DNAJC17: variants seen among roughly 807,000 people sequenced by gnomAD.
DNAJC17 encodes the protein DnaJ heat shock protein family (Hsp40) member C17, also known as dnaJ homolog subfamily C member 17.
A neutral mutation model predicts 48.1 loss-of-function variants in DNAJC17; 35 were observed. The ratio of observed to expected loss-of-function variants is 0.73; its 90% CI spans 0.56 to 0.96. DNAJC17 has a LOEUF of 0.96. Ranked by LOEUF, DNAJC17 falls within the 50% of genes least tolerant of loss-of-function variation. The pLI is 0.00. For synonymous variants in DNAJC17, 117 were observed against 142.7 expected, an observed-to-expected ratio of 0.82 and a Z score of 1.28; for missense variants, 355 against 377.1, an observed-to-expected ratio of 0.94 and a Z score of 0.48.
intron 1 of DNAJC17, among the ~76,000 whole-genome samples, chr15:40,805,308 G>A (rs1200312428): frequency 2.0e-5 from 3 of 149,074 alleles, no homozygotes; most frequent in East Asian, 2.0e-4. Flanking sequence ...ACAGGAAGGC[G>A]GAGGTTGCAG....
chr15:40,785,184 T>C (rs568338040), intron 1 of DNAJC17, among the ~76,000 whole-genome samples: 90 of 152,314 alleles, frequency 5.9e-4, no homozygotes, highest in African/African-American at 2.1e-3. Flanking sequence ...CAGTATCGTT[T>C]ATTATTAAAT....
intron 1 of DNAJC17, among the ~76,000 whole-genome samples, chr15:40,803,810 C>A (rs1890132914): frequency 6.6e-6 from 1 of 152,096 alleles, no homozygotes; most frequent in Non-Finnish European, 1.5e-5. Flanking sequence ...TGGCTTCACA[C>A]CTATCCCTTA....
At chr15:40,778,568 T>G (rs538705081) in intron 4 of DNAJC17, among the ~76,000 whole-genome samples, 20 of 152,092 alleles carry the variant, frequency 1.3e-4, no homozygotes, top group African/African-American at 4.6e-4. Flanking sequence ...CCAATTTTAC[T>G]CACACTGGAT....
intron 1 of DNAJC17, among the ~76,000 whole-genome samples, chr15:40,783,818 G>A (rs990162329): frequency 6.6e-6 from 1 of 152,130 alleles, no homozygotes; most frequent in Non-Finnish European, 1.5e-5. Context: ...AGCTGAGATC[G>A]TGTCACTGTA....
chr15:40,790,795 G>C (rs1010591267), intron 1 of DNAJC17, among the ~76,000 whole-genome samples: 2 of 152,174 alleles, frequency 1.3e-5, no homozygotes, highest in African/African-American at 4.8e-5. Flanking sequence ...TATCTTGAAT[G>C]TTAATGAATC....
At chr15:40,803,370 A>C (rs1379747734) in intron 1 of DNAJC17, among the ~76,000 whole-genome samples, 1 of 152,244 alleles carries the variant, frequency 6.6e-6, no homozygotes, top group Non-Finnish European at 1.5e-5. Flanking sequence ...CGGGGACACC[A>C]GGGCCTAGGT....
intron 6 of DNAJC17, among the ~76,000 whole-genome samples, chr15:40,775,841 G>A (rs1407156892): frequency 6.6e-6 from 1 of 152,140 alleles, no homozygotes; most frequent in East Asian, 1.9e-4. Flanking sequence ...TGAATGGAGA[G>A]CTAGGAACAC....
intron 2 of DNAJC17, 110 bp from the exon 3 acceptor site, chr15:40,779,713 A>G: frequency 7.8e-7 from 1 of 1,280,490 alleles, no homozygotes; most frequent in Non-Finnish European, 1.1e-6. Flanking sequence ...ATGGCAGACA[A>G]GCCGACATCA....
At chr15:40,776,397 G>T in intron 5 of DNAJC17, 105 bp from the exon 6 acceptor site, 2 of 1,466,704 alleles carry the variant, frequency 1.4e-6, no homozygotes, top group Non-Finnish European at 1.9e-6. Flanking sequence ...CTAGGGCTCA[G>T]CAACCTGTGG....
Position 40,770,343 on chromosome 15 carries a change from T to G in DNAJC17, c.793-2281A>C. The G allele has an allele frequency of 2.7e-6, 2 of 734,698 alleles. No homozygotes were observed. The highest frequency in any genetic ancestry group is 3.8e-5 in the South Asian group (2 of 52,020). 45.5% of individuals were successfully genotyped at this position (734,698 alleles called of 1,614,324 possible). A position where few individuals can be genotyped will look rare whatever the true frequency, so the allele number is the denominator to read the frequency against. Reference sequence around the variant, plus strand: ...TTCTTCCTGAGCCCTCCTCTCACCATCCAAGATGTGGTCAAAGGTCTGTGC... The same window carrying G: ...TTCTTCCTGAGCCCTCCTCTCACCAGCCAAGATGTGGTCAAAGGTCTGTGC... On this transcript the variant is annotated intron_variant, in intron 10 of 10. Transcript: ENST00000220496. This position sits in a 1 kb window ranked among gnomAD's most constrained non-coding sequence, Gnocchi z 5.0.
intron 1 of DNAJC17, among the ~76,000 whole-genome samples, chr15:40,796,888 T>TAGCTGGGA (rs1889950317): frequency 6.6e-6 from 1 of 152,138 alleles, no homozygotes; most frequent in African/African-American, 2.4e-5. Flanking sequence ...CCGAGTAAAG[T>TAGCTGGGA]AGCTGGGACT....
In DNAJC17 at chr15:40,770,451, C is replaced by A; in HGVS notation, c.793-2389G>T. The A allele has an allele frequency of 1.3e-6, 2 of 1,512,390 alleles. No individual in the cohort carries two copies. The highest frequency in any genetic ancestry group is 1.8e-6 in the Non-Finnish European group (2 of 1,129,656). The allele number at this position is 1,512,390 out of a possible 1,614,324, so 93.7% of individuals were successfully genotyped here. A position where few individuals can be genotyped will look rare whatever the true frequency, so the allele number is the denominator to read the frequency against. The stretch of plus-strand genomic sequence containing the variant: ...ACTGCCCCAGCAGGGACCACATGCA[C>A]CCTGGCTGCTCCTGAACACCTGTCT... On this transcript the variant is annotated intron_variant, in intron 10 of 10. Transcript: ENST00000220496. This position sits in a 1 kb window ranked among gnomAD's most constrained non-coding sequence, Gnocchi z 5.0.
At chr15:40,776,169 G>T (rs1258789161) in intron 6 of DNAJC17, 27 bp downstream of exon 6, 1 of 1,607,460 alleles carries the variant, frequency 6.2e-7, no homozygotes, top group Non-Finnish European at 8.5e-7. Flanking sequence ...CCTTGGAGGG[G>T]AGATAGGCGG....
intron 1 of DNAJC17, among the ~76,000 whole-genome samples, chr15:40,806,552 T>C (rs143040357): frequency 1.0e-3 from 159 of 152,146 alleles, no homozygotes; most frequent in Non-Finnish European, 1.9e-3. Flanking sequence ...CTTTCTTTTT[T>C]TGAGAAAGAG....
chr15:40,776,597 G>A lies in DNAJC17; in HGVS notation c.326C>T (p.Ala109Val). The A allele has an allele frequency of 1.9e-6, 3 of 1,613,836 alleles. No homozygotes were observed. The highest frequency in any genetic ancestry group is 2.5e-6 in the Non-Finnish European group (3 of 1,179,932). ...CTCCTCTTCCTCCTCACTCTCCTGGGCCTGGGCCTGCCGCTCCCGGGCCTC... is the reference window on the plus strand; with the variant it reads ...CTCCTCTTCCTCCTCACTCTCCTGGACCTGGGCCTGCCGCTCCCGGGCCTC... ...DLEARERQAQ[A>V]QESEEEEESR... The change falls in exon 5 of 11, where the codon GCC becomes GTC. Residue 109 changes from alanine (A) to valine (V), a missense_variant. By Grantham distance (64) the Ala-to-Val change is moderately conservative. This residue lies in a region of DNAJC17 where 199 missense variants were observed against 199.9 expected (regional missense o/e 1.00). Transcript: ENST00000220496.
At chr15:40,806,933 G>A (rs1020166194) in intron 1 of DNAJC17, among the ~76,000 whole-genome samples, 1 of 152,248 alleles carries the variant, frequency 6.6e-6, no homozygotes, top group African/African-American at 2.4e-5. Context: ...AAAAGGGAGT[G>A]GAGAGGCTTT....
chr15:40,785,300 A>C (rs1327125015), intron 1 of DNAJC17, among the ~76,000 whole-genome samples: 1 of 152,204 alleles, frequency 6.6e-6, no homozygotes, highest in Non-Finnish European at 1.5e-5. Context: ...GTAAGAAACA[A>C]AAACAAAATT....
intron 5 of DNAJC17, 66 bp downstream of exon 5, chr15:40,776,476 A>G: frequency 1.9e-6 from 3 of 1,582,416 alleles, no homozygotes; most frequent in Non-Finnish European, 2.6e-6. Flanking sequence ...GGCGACCACC[A>G]GGTCCATCCT....
At chr15:40,806,469 G>A (rs528835165) in intron 1 of DNAJC17, among the ~76,000 whole-genome samples, 45 of 151,686 alleles carry the variant, frequency 3.0e-4, no homozygotes, top group Non-Finnish European at 5.3e-4. Context: ...CGCCCGCCTC[G>A]GCCTCCCAAA....
Sources: gnomAD v4.1 joint callset for allele counts (sites outside exome capture counted in the v4.1 genomes callset) on GRCh38, gnomAD v4.1.1 for gene constraint, gnomAD v4.1.1 regional missense constraint, Gnocchi (gnomAD v3.1) non-coding constraint, MANE v1.5 for transcripts, NCBI Gene and HGNC (gene_info 2026-07-23, HGNC 2026-07-21) for gene names.